The following ZNF613 variants were observed in gnomAD, a reference collection of about 807,000 sequenced individuals.
ZNF613 encodes zinc finger protein 613.
ZNF613 carries 8 observed loss-of-function variants against 14.3 expected under a neutral mutation model. The ratio of observed to expected loss-of-function variants is 0.56; its 90% CI spans 0.33 to 1.01. ZNF613 has a LOEUF of 1.01. Among genes scored for constraint, ZNF613 ranks in the 50% least tolerant of loss-of-function variants. ZNF613 has a pLI of 0.03. For missense variants in ZNF613, 656 were observed against 741.9 expected (o/e 0.88, Z 1.35); for synonymous variants, 228 against 254.5 (o/e 0.90, Z 0.99).
At position 51,945,803 on chromosome 19, in the gene ZNF613, AAC is replaced by A. The variant is rs772707175; in HGVS notation, c.*70_*71del. 1.2e-5 allele frequency: 19 copies of A among 1,554,188 alleles called. No homozygotes were observed. The highest frequency in any genetic ancestry group is 1.6e-5 in the Non-Finnish European group (18 of 1,138,894). On this transcript the variant is annotated 3_prime_UTR_variant, in exon 6 of 6. Coordinates refer to ENST00000293471, the MANE Select transcript of ZNF613 (RefSeq NM_001031721.4). ...ATCAATTACATCATATGTCACAAAA[AAC>A]ACAGAGGAACAAACTGATATATTCA...
intron 2 of ZNF613, among the ~76,000 whole-genome samples, chr19:51,932,830 C>T (rs2085277522): frequency 6.6e-6 from 1 of 152,072 alleles, no homozygotes; most frequent in African/African-American, 2.4e-5. Flanking sequence ...CATGCACCAC[C>T]ATGCCTGGCT....
At position 51,936,429 on chromosome 19, in the gene ZNF613, A is replaced by G. The variant is rs185315118; in HGVS notation, c.15+194A>G. On this transcript the variant is annotated intron_variant, in intron 3 of 5. Coordinates refer to ENST00000293471, the MANE Select transcript of ZNF613 (RefSeq NM_001031721.4). ...ATTGTTTACATGTGGTATCATAGAA[A>G]GATACTTGGTCTTTGTCTGGCATAG... Among the ~76,000 whole-genome samples, 321 of 152,350 alleles carry G rather than the reference A, an allele frequency of 2.1e-3. 2 individuals are homozygous for G. Among genetic ancestry groups the G allele is most frequent in the African/African-American group, 7.2e-3 (298 of 41,592 alleles).
intron 2 of ZNF613, among the ~76,000 whole-genome samples, chr19:51,932,351 C>T (rs1275544386): frequency 1.4e-5 from 2 of 145,666 alleles, no homozygotes; most frequent in East Asian, 4.0e-4. Context: ...CTCTTGTTGC[C>T]CTGGCTAGAG....
chr19:51,932,469 G>T (rs2085273907), intron 2 of ZNF613, among the ~76,000 whole-genome samples: 1 of 147,278 alleles, frequency 6.8e-6, no homozygotes, highest in Non-Finnish European at 1.5e-5. Context: ...GGCTAATTTT[G>T]TATTTTTTGT....
rs566622528 is a variant in ZNF613, at chr19:51,936,170, A to G, written c.-51A>G. ...GAAATTGAGGGCAGCTCAAGGAGAGACTACAGACACAGCATCCTACTTACT... is the reference window on the plus strand; with the variant it reads ...GAAATTGAGGGCAGCTCAAGGAGAGGCTACAGACACAGCATCCTACTTACT... On this transcript the variant is annotated 5_prime_UTR_variant, in exon 3 of 6. Coordinates refer to ENST00000293471, the MANE Select transcript of ZNF613 (RefSeq NM_001031721.4). 8.2e-6 allele frequency: 13 copies of G among 1,578,652 alleles called. No homozygotes were observed. In the East Asian group the frequency reaches 2.3e-4, roughly 28 times the overall value.
At chr19:51,933,663 A>T (rs1284817164) in intron 2 of ZNF613, among the ~76,000 whole-genome samples, 1 of 152,176 alleles carries the variant, frequency 6.6e-6, no homozygotes, top group Non-Finnish European at 1.5e-5. Flanking sequence ...GCCTGAATCC[A>T]GGTTCCCACG....
At chr19:51,929,436 A>G (rs1369908361) in intron 1 of ZNF613, among the ~76,000 whole-genome samples, 2 of 152,106 alleles carry the variant, frequency 1.3e-5, no homozygotes, top group African/African-American at 4.8e-5. Flanking sequence ...GCAATTGTAA[A>G]TGGTGTGTTT....
At chr19:51,932,492 T>C (rs1386136033) in intron 2 of ZNF613, among the ~76,000 whole-genome samples, 1 of 151,424 alleles carries the variant, frequency 6.6e-6, no homozygotes, top group Non-Finnish European at 1.5e-5. Context: ...AGACCGGGTT[T>C]CTCCATGTTG....
At chr19:51,927,764 C>A in intron 1 of ZNF613, 1 of 152,736 alleles carries the variant, frequency 6.5e-6, no homozygotes, top group Non-Finnish European at 1.5e-5. Context: ...GGTGCCTTTG[C>A]GGGTCACTCT....
intron 3 of ZNF613, among the ~76,000 whole-genome samples, chr19:51,936,873 G>A (rs181977867): frequency 6.6e-6 from 1 of 152,300 alleles, no homozygotes; most frequent in Non-Finnish European, 1.5e-5. Flanking sequence ...GCCTTGATTA[G>A]AAGCTTGGAA....
At chr19:51,938,247 A>T (rs1231504268) in intron 3 of ZNF613, among the ~76,000 whole-genome samples, 1 of 151,976 alleles carries the variant, frequency 6.6e-6, no homozygotes, top group Admixed American at 6.6e-5. Context: ...TTCTTTTTTT[A>T]TTCTTTTTCT....
intron 2 of ZNF613, 33 bp from the exon 3 acceptor site, chr19:51,935,995 G>A (rs2085302594): frequency 4.6e-6 from 2 of 430,526 alleles, no homozygotes; most frequent in Admixed American, 8.2e-5. Context: ...TGGGCCTGCA[G>A]GGAATGTACA....
At chr19:51,929,582 A>G (rs952892395) in intron 1 of ZNF613, 150 bp from the exon 2 acceptor site, 1 of 152,246 alleles carries the variant, frequency 6.6e-6, no homozygotes, top group African/African-American at 2.4e-5. Flanking sequence ...ACTTTCAAAC[A>G]TATAACATGA....
Position 51,944,961 on chromosome 19 carries a change from A to T in ZNF613, c.1078A>T (p.Asn360Tyr). Residue 360 changes from asparagine (N) to tyrosine (Y), a missense_variant, in exon 6 of 6, where the codon AAT becomes TAT. Asn to Tyr is a moderately radical substitution (Grantham distance 143, BLOSUM62 -2). Transcript: ENST00000293471. ...AGCATTCCGCTGGAAATCACAGCTC[A>T]ATGCACATCAGAAAGCTCACACAGG... ...DKAFRWKSQLNAHQKAHTGEK... is the reference protein window; with the variant it reads ...DKAFRWKSQLYAHQKAHTGEK... The T allele has an allele frequency of 6.2e-7, 1 of 1,614,222 alleles. No individual in the cohort carries two copies. Among genetic ancestry groups the T allele is most frequent in the Non-Finnish European group, 8.5e-7 (1 of 1,180,028 alleles).
At position 51,944,217 on chromosome 19, in the gene ZNF613, A is replaced by T. The variant is rs376138953; in HGVS notation, c.334A>T (p.Ile112Phe). ...CCATAAACATAATGCATTTGGAAAC[A>T]TCATTCATCAGAGGAAAAGTGATTT... ...QCHKHNAFGN[I>F]IHQRKSDFPL... Residue 112 changes from isoleucine (I) to phenylalanine (F), a missense_variant, in exon 6 of 6, where the codon ATC becomes TTC. Physicochemically the swap from Ile to Phe is conservative, Grantham distance 21. Transcript: ENST00000293471. 1 of 1,610,058 alleles carries T rather than the reference A, an allele frequency of 6.2e-7. No individual in the cohort carries two copies. Among genetic ancestry groups the T allele is most frequent in the Non-Finnish European group, 8.5e-7 (1 of 1,177,450 alleles).
rs146941126 is a variant in ZNF613, at chr19:51,944,888, G to A, written c.1005G>A (p.Gln335=). 1 of 1,613,250 alleles carries A rather than the reference G, an allele frequency of 6.2e-7. No homozygotes were observed. Among genetic ancestry groups the A allele is most frequent in the African/African-American group, 1.3e-5 (1 of 74,612 alleles). Residue 335 remains glutamine (Q), a synonymous_variant, in exon 6 of 6, where the codon CAG becomes CAA. Coordinates refer to ENST00000293471, the MANE Select transcript of ZNF613 (RefSeq NM_001031721.4). ...FSKRSRLTEH[Q]RTHTGEKPYE... The stretch of plus-strand genomic sequence containing the variant: ...AAAGGTCCAGGCTCACTGAACACCA[G>A]AGAACTCATACAGGAGAGAAACCCT...
At chr19:51,941,865 C>A (rs1027282393) in intron 5 of ZNF613, among the ~76,000 whole-genome samples, 1 of 152,204 alleles carries the variant, frequency 6.6e-6, no homozygotes, top group Non-Finnish European at 1.5e-5. Context: ...TAGTCTCATT[C>A]TCTTTCCAAC....
intron 3 of ZNF613, among the ~76,000 whole-genome samples, chr19:51,939,257 A>G (rs2085328739): frequency 1.3e-5 from 2 of 151,482 alleles, no homozygotes; most frequent in Non-Finnish European, 2.9e-5. Flanking sequence ...TTCAAAACCC[A>G]TATGTGTGTG....
Position 51,941,559 on chromosome 19 carries a change from C to CT in ZNF613, c.235+856dup, listed in dbSNP as rs1251836977. 4.6e-5 allele frequency among the ~76,000 whole-genome samples: 7 copies of CT among 152,062 alleles called. No homozygotes were observed. The East Asian group carries it at 1.3e-3, about 29-fold the overall frequency. On this transcript the variant is annotated intron_variant, in intron 5 of 5. Transcript: ENST00000293471. ...GCATATATTTGCTTCCTTAGCTTCT[C>CT]TTTTTTCTCCCACTCTGAGGTCCTC...
Sources: gnomAD v4.1 joint callset for allele counts (sites outside exome capture counted in the v4.1 genomes callset) on GRCh38, gnomAD v4.1.1 for gene constraint, MANE v1.5 for transcripts, NCBI Gene and HGNC (gene_info 2026-07-23, HGNC 2026-07-21) for gene names.